Variants in LAMA2 observed in about 807,000 individuals in gnomAD.
LAMA2 encodes the protein laminin subunit alpha 2.
In LAMA2, 269 loss-of-function variants were observed where a neutral mutation model predicts 364.8. That is an observed-to-expected ratio of 0.74 (90% CI 0.67 to 0.82). The LOEUF is 0.82. Ranked by LOEUF, LAMA2 falls within the 40% of genes least tolerant of loss-of-function variation. The pLI is 0.00. For synonymous variants in LAMA2, 1,379 were observed against 1,370.6 expected (o/e 1.01, Z -0.14); for missense variants, 3,807 against 3,873.2 (o/e 0.98, Z 0.45).
intron 37 of LAMA2, among the ~76,000 whole-genome samples, chr6:129,399,872 A>T (rs949257074): frequency 6.6e-6 from 1 of 152,174 alleles, no homozygotes; most frequent in East Asian, 1.9e-4. Flanking sequence ...AAGAGATAGT[A>T]TTTTCGTAGT....
Position 129,491,914 on chromosome 6 carries a change from C to A in LAMA2, c.7912C>A (p.Gln2638Lys). The A allele has an allele frequency of 6.2e-7, 1 of 1,610,864 alleles. No homozygotes were observed. Among genetic ancestry groups the A allele is most frequent in the South Asian group, 1.1e-5 (1 of 90,998 alleles). ...VERTRGIFTV[Q>K]VDENRRYMQN... Reference sequence around the variant, plus strand: ...ATATTTTATCAGCATCTTTACAGTTCAAGTGGATGAAAACAGAAGATACAT... The same window carrying A: ...ATATTTTATCAGCATCTTTACAGTTAAAGTGGATGAAAACAGAAGATACAT... Residue 2638 changes from glutamine (Q) to lysine (K), a missense_variant, in exon 57 of 65, where the codon CAA (glutamine) becomes AAA (lysine). By Grantham distance (53) the Gln-to-Lys change is moderately conservative. This residue lies in a region of LAMA2 where 3,333 missense variants were observed against 3,345.7 expected (regional missense o/e 1.00). Transcript: ENST00000421865.
At chr6:129,098,602 G>A (rs1423844635) in intron 4 of LAMA2, among the ~76,000 whole-genome samples, 187 bp downstream of exon 4, 1 of 152,146 alleles carries the variant, frequency 6.6e-6, no homozygotes, top group African/African-American at 2.4e-5. Context: ...CTACCTTCAT[G>A]TGTCTCCCAT....
Position 129,328,288 on chromosome 6 carries a change from C to T in LAMA2, c.4187C>T (p.Pro1396Leu), listed in dbSNP as rs539352717. The T allele has an allele frequency of 1.1e-5, 18 of 1,614,104 alleles. No homozygotes were observed. The highest frequency in any genetic ancestry group is 1.4e-5 in the Non-Finnish European group (17 of 1,179,998). Residue 1396 changes from proline (P) to leucine (L), a missense_variant, in exon 29 of 65, where the codon CCG (proline) becomes CTG (leucine). Physicochemically the swap from Pro to Leu is moderately conservative, Grantham distance 98. Around this residue, in one of 3 missense-constraint regions of LAMA2, gnomAD observed 3,333 missense variants for 3,345.7 expected, o/e 1.00. Coordinates refer to ENST00000421865, the MANE Select transcript of LAMA2 (RefSeq NM_000426.4). ...YSGLSCEACL[P>L]GFYRLRSQPG... ...TTCCTTTTCTTTCAGGCATGCTTGC[C>T]GGGATTTTATCGACTGCGTTCTCAA...
At chr6:129,299,863 C>A (rs1773440324) in intron 21 of LAMA2, among the ~76,000 whole-genome samples, 1 of 152,124 alleles carries the variant, frequency 6.6e-6, no homozygotes, top group Admixed American at 6.6e-5. Flanking sequence ...ATTTAGTCAT[C>A]ATATAACCAA....
intron 1 of LAMA2, among the ~76,000 whole-genome samples, chr6:129,013,294 C>G (rs1055724084): frequency 2.0e-5 from 3 of 151,892 alleles, no homozygotes; most frequent in South Asian, 2.1e-4. Context: ...AAAATTAGCC[C>G]GGCGTGGTGG....
intron 3 of LAMA2, among the ~76,000 whole-genome samples, chr6:129,071,381 A>G (rs1773301978): frequency 6.6e-6 from 1 of 151,764 alleles, no homozygotes; most frequent in Non-Finnish European, 1.5e-5. Context: ...GATTTTCTCT[A>G]TCGTGAAATT....
At chr6:129,179,391 A>G (rs1398905111) in intron 10 of LAMA2, among the ~76,000 whole-genome samples, 1 of 152,192 alleles carries the variant, frequency 6.6e-6, no homozygotes. Context: ...TTCTACACCT[A>G]CCACTCATAC....
chr6:128,945,753 A>G, intron 1 of LAMA2, among the ~76,000 whole-genome samples: 1 of 152,234 alleles, frequency 6.6e-6, no homozygotes, highest in Non-Finnish European at 1.5e-5. Flanking sequence ...CCTCTGGGGT[A>G]CACATCCTAT....
chr6:129,302,544 A>C (rs2114466171), intron 22 of LAMA2, among the ~76,000 whole-genome samples: 2 of 152,210 alleles, frequency 1.3e-5, no homozygotes, highest in East Asian at 3.9e-4. Flanking sequence ...TCTACCCAAG[A>C]AAGACAAGGT....
intron 64 of LAMA2, among the ~76,000 whole-genome samples, 168 bp from the exon 65 acceptor site, chr6:129,516,022 A>ATCTTTCTT (rs34252072): frequency 4.0e-5 from 6 of 151,770 alleles, no homozygotes; most frequent in African/African-American, 1.5e-4. Flanking sequence ...TTTTAAGTTG[A>ATCTTTCTT]TCTTTCTTTC....
chr6:129,155,111 C>G (rs897186431), intron 8 of LAMA2, among the ~76,000 whole-genome samples: 1 of 152,148 alleles, frequency 6.6e-6, no homozygotes, highest in Non-Finnish European at 1.5e-5. Context: ...TAGTATTTCT[C>G]TGCACGAACA....
At chr6:129,313,895 C>T (rs112505488) in intron 23 of LAMA2, among the ~76,000 whole-genome samples, 6 of 152,186 alleles carry the variant, frequency 3.9e-5, no homozygotes, top group African/African-American at 1.2e-4. Context: ...TCTTATATCT[C>T]GCAATTATGA....
chr6:129,167,786 TA>T (rs1202425287), intron 9 of LAMA2, among the ~76,000 whole-genome samples: 6 of 151,124 alleles, frequency 4.0e-5, no homozygotes, highest in Non-Finnish European at 7.4e-5. Flanking sequence ...CAACAGTGTG[TA>T]AAAGTGTTCC....
chr6:129,395,381 G>A (rs916563460), intron 37 of LAMA2, among the ~76,000 whole-genome samples: 3 of 152,042 alleles, frequency 2.0e-5, no homozygotes, highest in African/African-American at 7.3e-5. Context: ...AATTCATTCA[G>A]GAAACGTGCT....
Position 129,146,887 on chromosome 6 carries a change from T to C in LAMA2, c.820-72T>C, listed in dbSNP as rs1778487870. ...TAAAAGCAGAAAATAAAGTTTTTAC[T>C]GAATGTCCCCTTTTGTTACTTTGAC... On this transcript the variant is annotated intron_variant, in intron 5 of 64. Transcript: ENST00000421865. 3 of 928,748 alleles carry C rather than the reference T, an allele frequency of 3.2e-6. No homozygotes were observed. The East Asian group carries it at 7.2e-5, about 22-fold the overall frequency. 57.5% of individuals were successfully genotyped at this position (928,748 alleles called of 1,614,324 possible).
At chr6:129,321,927 A>G (rs950956937) in intron 28 of LAMA2, among the ~76,000 whole-genome samples, 3 of 152,174 alleles carry the variant, frequency 2.0e-5, no homozygotes, top group Non-Finnish European at 2.9e-5. Context: ...TAGCTGCACT[A>G]CTTGGACAGG....
At chr6:129,309,191 A>G (rs892479579) in intron 22 of LAMA2, among the ~76,000 whole-genome samples, 2 of 152,216 alleles carry the variant, frequency 1.3e-5, no homozygotes, top group African/African-American at 4.8e-5. Context: ...GTGAGCATAC[A>G]CATCATTTGG....
intron 30 of LAMA2, among the ~76,000 whole-genome samples, chr6:129,345,178 T>G (rs2114575016): frequency 6.6e-6 from 1 of 152,300 alleles, no homozygotes; most frequent in East Asian, 1.9e-4. Flanking sequence ...GGTTTTGATT[T>G]TGTCCCTGTC....
intron 4 of LAMA2, among the ~76,000 whole-genome samples, chr6:129,137,997 A>G (rs1777903904): frequency 6.6e-6 from 1 of 152,044 alleles, no homozygotes; most frequent in Non-Finnish European, 1.5e-5. Context: ...AATTGGCAAC[A>G]CAGCTGAGAT....
Sources: allele counts gnomAD v4.1 joint callset (sites outside exome capture counted in the v4.1 genomes callset), GRCh38; gene constraint gnomAD v4.1.1; regional missense constraint gnomAD v4.1.1; transcripts MANE v1.5; gene names NCBI Gene and HGNC (gene_info 2026-07-23, HGNC 2026-07-21).